TMEM101: variants seen among roughly 807,000 people sequenced by gnomAD.
TMEM101 encodes the protein putative NF-kappa-B-activating protein 130.
TMEM101 carries 14 observed loss-of-function variants against 26.0 expected under a neutral mutation model. The ratio of observed to expected loss-of-function variants is 0.54; its 90% CI spans 0.36 to 0.84. The LOEUF (loss-of-function observed/expected upper bound fraction) is 0.84, where lower values mean the gene tolerates loss of function less well. Ranked by LOEUF, TMEM101 falls within the 40% of genes least tolerant of loss-of-function variation. The pLI, the probability that TMEM101 is intolerant of heterozygous loss-of-function variation, is 0.01. For missense variants in TMEM101, 292 were observed against 345.1 expected (o/e 0.85, Z 1.22); for synonymous variants, 152 against 145.1 (o/e 1.05, Z -0.34).
chr17:44,014,700 C>A lies in TMEM101; in HGVS notation c.137+116G>T, dbSNP rs1376868153. The A allele has an allele frequency of 2.0e-6, 3 of 1,507,510 alleles. No individual in the cohort carries two copies. In the African/African-American group the frequency reaches 4.2e-5, roughly 21 times the overall value. The allele number at this position is 1,507,510 out of a possible 1,614,324, so 93.4% of individuals were successfully genotyped here. On this transcript the variant is annotated intron_variant, in intron 1 of 3. Transcript: ENST00000206380. ...ATTTGGTCCGACACCCAGACCAGAA[C>A]CCCTCCCAGGGAGGTCCCAATTCCT...
chr17:44,022,322 G>A (rs1175047095), intron 1 of TMEM101, among the ~76,000 whole-genome samples: 1 of 152,194 alleles, frequency 6.6e-6, no homozygotes, highest in Non-Finnish European at 1.5e-5. Context: ...GTTTGTACCT[G>A]CTCCAAACCC....
chr17:44,019,398 G>A, upstream of TMEM101: 1 of 354,388 alleles, frequency 2.8e-6, no homozygotes. Flanking sequence ...CAGACGAGGA[G>A]AGGTCTCATG....
rs2049161960 is a variant in TMEM101 at position 44,011,889 on chromosome 17, G to C, written c.*39C>G. 2 of 1,563,112 alleles carry C rather than the reference G, an allele frequency of 1.3e-6. No individual in the cohort carries two copies. Among genetic ancestry groups the C allele is most frequent in the Non-Finnish European group, 1.7e-6 (2 of 1,149,222 alleles). ...AAGGAGGAAGGCAGGGTGACCCTCAGTGGCTCCCTGTGCCCATCTCAGCCT... is the reference window on the plus strand; with the variant it reads ...AAGGAGGAAGGCAGGGTGACCCTCACTGGCTCCCTGTGCCCATCTCAGCCT... On this transcript the variant is annotated 3_prime_UTR_variant, in exon 4 of 4. Coordinates refer to ENST00000206380, the MANE Select transcript of TMEM101 (RefSeq NM_032376.4).
At chr17:44,020,263 C>T (rs891623705) in intron 2 of TMEM101, among the ~76,000 whole-genome samples, 5 of 152,258 alleles carry the variant, frequency 3.3e-5, no homozygotes, top group African/African-American at 1.2e-4. Context: ...CAGGTATTGC[C>T]ACCTGTAGGA....
In TMEM101 at chr17:44,014,362, G is replaced by A. The variant is rs138622503; in HGVS notation, c.313C>T (p.Leu105=). The change falls in exon 2 of 4, where the codon CTG becomes TTG. Residue 105 remains leucine, a synonymous_variant. Transcript: ENST00000206380. ...TTTGGGGCCGAGGCGCTCACCTTCAGCCAGTCCCCGTAGTGGACGTAGCCC... is the reference window on the plus strand; with the variant it reads ...TTTGGGGCCGAGGCGCTCACCTTCAACCAGTCCCCGTAGTGGACGTAGCCC... ...IGGYVHYGDW[L]KVRMYSRTVA... is the part of the protein sequence containing the mutation. The A allele has an allele frequency of 2.3e-5, 35 of 1,550,866 alleles. No homozygotes were observed. The African/African-American group carries it at 4.6e-4, about 21-fold the overall frequency.
intron 2 of TMEM101, among the ~76,000 whole-genome samples, chr17:44,013,699 GCCAGT>G (rs1303131959): frequency 6.6e-6 from 1 of 152,148 alleles, no homozygotes; most frequent in African/African-American, 2.4e-5. Flanking sequence ...GGTCCTACCT[GCCAGT>G]AAGTGGCAGA....
upstream of TMEM101, among the ~76,000 whole-genome samples, chr17:44,015,683 G>A (rs775109333): frequency 6.6e-6 from 1 of 152,132 alleles, no homozygotes; most frequent in Non-Finnish European, 1.5e-5. Context: ...ATGAGCCACC[G>A]CGCCAGGCCA....
upstream of TMEM101, among the ~76,000 whole-genome samples, chr17:44,017,091 C>T (rs111588154): frequency 0.013 from 1,884 of 149,270 alleles, 37 homozygotes; most frequent in African/African-American, 0.044. Flanking sequence ...GCGGACCTTG[C>T]AGTGAGCCGA....
intron 1 of TMEM101, among the ~76,000 whole-genome samples, chr17:44,022,379 G>T (rs2049293099): frequency 1.3e-5 from 2 of 152,132 alleles, no homozygotes; most frequent in South Asian, 4.1e-4. Context: ...CACTGACTGG[G>T]CCACTCAAAC....
rs777047079 is a variant in TMEM101 at position 44,012,211 on chromosome 17, T to A, written c.491A>T (p.Glu164Val). Reference sequence around the variant, plus strand: ...ATGGTTCAGATACGCCAGCCGGTCCTCCTTGCTGTGCTGCAGTGAGTAGGC... The same window carrying A: ...ATGGTTCAGATACGCCAGCCGGTCCACCTTGCTGTGCTGCAGTGAGTAGGC... ...CVAYSLQHSKEDRLAYLNHLP... is the reference protein window; with the variant it reads ...CVAYSLQHSKVDRLAYLNHLP... The change falls in exon 4 of 4, where the codon GAG (glutamate) becomes GTG (valine). Residue 164 changes from glutamate to valine, a missense_variant. By Grantham distance (121) the Glu-to-Val change is moderately radical. Transcript: ENST00000206380. 14 of 1,613,612 alleles carry A rather than the reference T, an allele frequency of 8.7e-6. No individual in the cohort carries two copies. The highest frequency in any genetic ancestry group is 1.1e-5 in the Non-Finnish European group (13 of 1,179,808).
In TMEM101 at chr17:44,014,889, G is replaced by A. The variant is rs1448997493; in HGVS notation, c.64C>T (p.Leu22=). The A allele has an allele frequency of 6.2e-7, 1 of 1,613,984 alleles. No individual in the cohort carries two copies. Among genetic ancestry groups the A allele is most frequent in the Non-Finnish European group, 8.5e-7 (1 of 1,180,002 alleles). ...CCCCAAAAGGGGCAGCGTGTGAGCAGCACCGAACCCAACTGCATGATCAGC... is the reference window on the plus strand; with the variant it reads ...CCCCAAAAGGGGCAGCGTGTGAGCAACACCGAACCCAACTGCATGATCAGC... The part of the protein sequence containing the change: ...LQLIMQLGSV[L]LTRCPFWGCF... Residue 22 remains leucine (L), a synonymous_variant, in exon 1 of 4, where the codon CTG becomes TTG. Transcript: ENST00000206380.
chr17:44,022,753 C>T (rs1222380061), intron 1 of TMEM101, among the ~76,000 whole-genome samples: 3 of 152,172 alleles, frequency 2.0e-5, no homozygotes, highest in Admixed American at 2.0e-4. Context: ...TATGGGAAGT[C>T]TCCAAGCTCC....
chr17:44,014,672 C>G, intron 1 of TMEM101, 135 bp from the exon 2 acceptor site: 1 of 1,497,182 alleles, frequency 6.7e-7, no homozygotes, highest in African/African-American at 1.4e-5. Context: ...ACCGCCCTAC[C>G]AGATTTGGTC....
At chr17:44,015,136 C>T, upstream of TMEM101, 1 of 675,254 alleles carries the variant, frequency 1.5e-6, no homozygotes, top group Non-Finnish European at 2.4e-6. Context: ...CTCATGGAGC[C>T]TTCAGGGCCA....
chr17:44,015,007 G>C, upstream of TMEM101: 1 of 1,551,554 alleles, frequency 6.4e-7, no homozygotes, highest in Non-Finnish European at 8.7e-7. Context: ...GCAGGCGCGG[G>C]GATGGGACAC....
Position 44,012,049 on chromosome 17 carries a change from A to G in TMEM101, c.653T>C (p.Ile218Thr), listed in dbSNP as rs1404072252. ...GTGCCAGTAAGCAACATTGCCATCAATGAGCAGCATGACAGGGGGCAGCAG... is the reference window on the plus strand; with the variant it reads ...GTGCCAGTAAGCAACATTGCCATCAGTGAGCAGCATGACAGGGGGCAGCAG... ...AVLLPPVMLL[I>T]DGNVAYWHNT... The change falls in exon 4 of 4, where the codon ATT becomes ACT. Residue 218 changes from isoleucine (I) to threonine (T), a missense_variant. Ile to Thr is a moderately conservative substitution (Grantham distance 89). Transcript: ENST00000206380. The G allele has an allele frequency of 1.2e-6, 2 of 1,614,108 alleles. No homozygotes were observed. The highest frequency in any genetic ancestry group is 2.7e-5 in the African/African-American group (2 of 74,930).
chr17:44,012,194 G>C lies in TMEM101; in HGVS notation c.508C>G (p.Leu170Val). ...AGCTCCCCTCCTGGGAGATGGTTCA[G>C]ATACGCCAGCCGGTCCTCCTTGCTG... ...QHSKEDRLAY[L>V]NHLPGGELMI... Residue 170 changes from leucine (L) to valine (V), a missense_variant, in exon 4 of 4, where the codon CTG becomes GTG. Physicochemically the swap from Leu to Val is conservative, Grantham distance 32. Coordinates refer to ENST00000206380, the MANE Select transcript of TMEM101 (RefSeq NM_032376.4). The C allele has an allele frequency of 6.2e-7, 1 of 1,614,116 alleles. No homozygotes were observed. The highest frequency in any genetic ancestry group is 8.5e-7 in the Non-Finnish European group (1 of 1,179,986).
At chr17:44,012,420 T>C in intron 3 of TMEM101, 184 bp from the exon 4 acceptor site, 1 of 610,288 alleles carries the variant, frequency 1.6e-6, no homozygotes, top group East Asian at 2.8e-5. Context: ...CCCAGGAGAT[T>C]AGGGCCCATG....
At chr17:44,014,777 GC>G in intron 1 of TMEM101, 38 bp downstream of exon 1, 1 of 1,527,826 alleles carries the variant, frequency 6.5e-7, no homozygotes, top group Non-Finnish European at 8.8e-7. Context: ...CCACATCACC[GC>G]CCCCTGCCGC....
Sources: gnomAD v4.1 joint callset for allele counts (sites outside exome capture counted in the v4.1 genomes callset) on GRCh38, gnomAD v4.1.1 for gene constraint, MANE v1.5 for transcripts, NCBI Gene and HGNC (gene_info 2026-07-23, HGNC 2026-07-21) for gene names.